CNTNAP2: variants seen among roughly 807,000 people sequenced by gnomAD.
The protein encoded by CNTNAP2 is contactin associated protein 2.
In CNTNAP2, 98 loss-of-function variants were observed where a neutral mutation model predicts 155.2. The ratio of observed to expected loss-of-function variants is 0.63; its 90% CI spans 0.54 to 0.75. CNTNAP2 has a LOEUF of 0.75. CNTNAP2 is among the 30% of genes least tolerant of loss of function. The pLI, the probability that CNTNAP2 is intolerant of heterozygous loss-of-function variation, is 0.00. For missense variants in CNTNAP2, 1,727 were observed against 1,688.1 expected, an observed-to-expected ratio of 1.02 and a Z score of -0.40; for synonymous variants, 651 against 631.2, an observed-to-expected ratio of 1.03 and a Z score of -0.47.
At chr7:147,181,279 G>A (rs1182845477) in intron 8 of CNTNAP2, among the ~76,000 whole-genome samples, 2 of 152,132 alleles carry the variant, frequency 1.3e-5, no homozygotes, top group African/African-American at 2.4e-5. Flanking sequence ...CAGAGTGAAT[G>A]GACTGAACAG....
intron 23 of CNTNAP2, chr7:148,414,888 C>T (rs1799941162): frequency 6.0e-6 from 1 of 166,978 alleles, no homozygotes; most frequent in Non-Finnish European, 1.3e-5. Context: ...GACTTTTATT[C>T]TGTACATGCA....
intron 1 of CNTNAP2, among the ~76,000 whole-genome samples, chr7:146,575,977 G>A (rs1253302942): frequency 6.6e-6 from 1 of 152,236 alleles, no homozygotes; most frequent in Non-Finnish European, 1.5e-5. Context: ...CAAGGCTGCA[G>A]CATATTCTGT....
intron 3 of CNTNAP2, among the ~76,000 whole-genome samples, chr7:147,020,897 T>A (rs1246302761): frequency 6.6e-6 from 1 of 152,140 alleles, no homozygotes; most frequent in Non-Finnish European, 1.5e-5. Flanking sequence ...AAAGAAAGAA[T>A]GTAGTTTCAT....
chr7:147,603,118 T>C (rs9690031), intron 12 of CNTNAP2, among the ~76,000 whole-genome samples: 100,492 of 149,454 alleles, frequency 0.67, 34,160 homozygotes, highest in African/African-American at 0.75. Context: ...TAAAAGTGTT[T>C]CTATTTCTCC....
At chr7:147,385,926 G>T (rs1796618491) in intron 9 of CNTNAP2, among the ~76,000 whole-genome samples, 1 of 152,198 alleles carries the variant, frequency 6.6e-6, no homozygotes, top group African/African-American at 2.4e-5. Flanking sequence ...ACATCTGCCT[G>T]GGCATCCATG....
chr7:147,805,261 G>T (rs1359281009), intron 13 of CNTNAP2, among the ~76,000 whole-genome samples: 1 of 152,048 alleles, frequency 6.6e-6, no homozygotes, highest in African/African-American at 2.4e-5. Flanking sequence ...CTCCCAAAGT[G>T]CTGGGATTAT....
At chr7:147,260,663 A>G (rs2116683208) in intron 8 of CNTNAP2, among the ~76,000 whole-genome samples, 1 of 152,316 alleles carries the variant, frequency 6.6e-6, no homozygotes, top group South Asian at 2.1e-4. Context: ...GAATTCTGTG[A>G]GAAGACCTTG....
At chr7:146,827,262 A>G (rs1424486799) in intron 2 of CNTNAP2, among the ~76,000 whole-genome samples, 2 of 152,060 alleles carry the variant, frequency 1.3e-5, no homozygotes, top group Admixed American at 6.6e-5. Context: ...CTTAAAAACA[A>G]TGGGCAATCC....
At chr7:146,192,295 G>GC (rs1444716351) in intron 1 of CNTNAP2, among the ~76,000 whole-genome samples, 6 of 152,020 alleles carry the variant, frequency 3.9e-5, no homozygotes, top group East Asian at 1.9e-4. Flanking sequence ...TTTTTAGCCT[G>GC]CCCCCCAAAA....
At chr7:146,836,977 G>A (rs1803630287) in intron 2 of CNTNAP2, among the ~76,000 whole-genome samples, 2 of 151,858 alleles carry the variant, frequency 1.3e-5, no homozygotes, top group African/African-American at 4.8e-5. Context: ...CTGAGAAGTT[G>A]TAACCCTCTG....
chr7:147,039,813 T>C (rs1234307978), intron 3 of CNTNAP2, among the ~76,000 whole-genome samples: 1 of 152,128 alleles, frequency 6.6e-6, no homozygotes, highest in Non-Finnish European at 1.5e-5. Flanking sequence ...TATTTCCTTT[T>C]CTCCAAAACC....
chr7:146,299,739 G>T (rs1435823773), intron 1 of CNTNAP2, among the ~76,000 whole-genome samples: 1 of 151,960 alleles, frequency 6.6e-6, no homozygotes, highest in African/African-American at 2.4e-5. Flanking sequence ...AATTATGGAG[G>T]GGGTACGACT....
intron 9 of CNTNAP2, among the ~76,000 whole-genome samples, chr7:147,314,929 C>A (rs577279403): frequency 6.6e-6 from 1 of 150,892 alleles, no homozygotes; most frequent in Non-Finnish European, 1.5e-5. Context: ...ATGAAGCAGA[C>A]GGGTAATAAC....
At chr7:147,870,991 G>T (rs1265857877) in intron 13 of CNTNAP2, among the ~76,000 whole-genome samples, 3 of 152,058 alleles carry the variant, frequency 2.0e-5, no homozygotes, top group Non-Finnish European at 2.9e-5. Flanking sequence ...AGGCTTTCCA[G>T]CATAGCCTTA....
intron 1 of CNTNAP2, among the ~76,000 whole-genome samples, chr7:146,134,645 C>T (rs1481946334): frequency 6.7e-6 from 1 of 150,272 alleles, no homozygotes; most frequent in Non-Finnish European, 1.5e-5. Flanking sequence ...TGTCAAAGGC[C>T]TTTTCTGCAT....
At chr7:146,321,616 T>A (rs1584868078) in intron 1 of CNTNAP2, among the ~76,000 whole-genome samples, 1 of 151,904 alleles carries the variant, frequency 6.6e-6, no homozygotes, top group Non-Finnish European at 1.5e-5. Context: ...GAGAATGGAG[T>A]GTGGAATGCA....
At chr7:146,445,347 G>C (rs1343390797) in intron 1 of CNTNAP2, among the ~76,000 whole-genome samples, 1 of 152,148 alleles carries the variant, frequency 6.6e-6, no homozygotes, top group Non-Finnish European at 1.5e-5. Flanking sequence ...ATTTACTTGT[G>C]ATCAAAATTC....
At chr7:146,350,780 A>G (rs996960916) in intron 1 of CNTNAP2, among the ~76,000 whole-genome samples, 1 of 151,808 alleles carries the variant, frequency 6.6e-6, no homozygotes, top group African/African-American at 2.4e-5. Context: ...GAACCAACCC[A>G]AATGTCCAAC....
At chr7:146,973,425 A>C (rs1186914702) in intron 3 of CNTNAP2, among the ~76,000 whole-genome samples, 2 of 152,246 alleles carry the variant, frequency 1.3e-5, no homozygotes, top group Non-Finnish European at 2.9e-5. Context: ...TCACACTGAA[A>C]GTACTATTAG....
Sources: gnomAD v4.1 joint callset for allele counts (sites outside exome capture counted in the v4.1 genomes callset) on GRCh38, gnomAD v4.1.1 for gene constraint, MANE v1.5 for transcripts, NCBI Gene and HGNC (gene_info 2026-07-23, HGNC 2026-07-21) for gene names.